POU2F1: variants seen among roughly 807,000 people sequenced by gnomAD.
The protein encoded by POU2F1 is POU class 2 homeobox 1, also known as POU domain, class 2, transcription factor 1.
Under a neutral mutation model 84.9 loss-of-function variants are expected in POU2F1, and 16 were observed. The observed-to-expected ratio is 0.19, with a 90% CI of 0.13 to 0.29. POU2F1 has a LOEUF of 0.29. POU2F1 is among the 10% of genes least tolerant of loss of function. The probability of loss-of-function intolerance (pLI) is 1.00; values close to 1 mark genes in which losing one functional copy is unlikely to be tolerated. For synonymous variants in POU2F1, 368 were observed against 368.3 expected (o/e 1.00, Z 0.01); for missense variants, 738 against 942.6 (o/e 0.78, Z 2.84).
At chr1:167,387,071 A>G (rs1648033543) in intron 8 of POU2F1, 1 of 413,638 alleles carries the variant, frequency 2.4e-6, no homozygotes, top group South Asian at 1.7e-5. Context: ...ATTTTGAAAA[A>G]AGCCTATACC....
At chr1:167,331,973 G>A (rs186262753) in intron 1 of POU2F1, among the ~76,000 whole-genome samples, 16 of 152,096 alleles carry the variant, frequency 1.1e-4, no homozygotes, top group Non-Finnish European at 1.9e-4. Flanking sequence ...TACCTTAGAC[G>A]TGTTTTCTTT....
chr1:167,240,917 C>T (rs1649852108), intron 1 of POU2F1, among the ~76,000 whole-genome samples: 2 of 151,986 alleles, frequency 1.3e-5, no homozygotes, highest in South Asian at 2.1e-4. Context: ...CCTAGGTGGG[C>T]GGATTACCTG....
intron 12 of POU2F1, among the ~76,000 whole-genome samples, chr1:167,400,351 A>G (rs1211519970): frequency 6.6e-6 from 1 of 152,004 alleles, no homozygotes; most frequent in African/African-American, 2.4e-5. Flanking sequence ...CATTTCCATC[A>G]TACTCTTCTC....
At chr1:167,367,202 CTTCT>C (rs929189363) in intron 3 of POU2F1, among the ~76,000 whole-genome samples, 12 of 152,306 alleles carry the variant, frequency 7.9e-5, no homozygotes, top group African/African-American at 2.6e-4. Flanking sequence ...TGACACTTGC[CTTCT>C]ATTTCCAAGC....
At chr1:167,276,762 T>A (rs1652754253) in intron 1 of POU2F1, among the ~76,000 whole-genome samples, 1 of 152,086 alleles carries the variant, frequency 6.6e-6, no homozygotes, top group African/African-American at 2.4e-5. Flanking sequence ...ATGAAGTATT[T>A]TCAGTTCCAT....
intron 2 of POU2F1, among the ~76,000 whole-genome samples, chr1:167,354,719 C>T (rs1254116451): frequency 6.6e-6 from 1 of 152,166 alleles, no homozygotes; most frequent in African/African-American, 2.4e-5. Context: ...CAATTTTAGC[C>T]AATTTATCAG....
chr1:167,278,640 G>T (rs1337306857), intron 1 of POU2F1, among the ~76,000 whole-genome samples: 1 of 152,124 alleles, frequency 6.6e-6, no homozygotes, highest in African/African-American at 2.4e-5. Flanking sequence ...CTGTGGAATT[G>T]AATCTGTTCA....
Position 167,267,937 on chromosome 1 carries a change from G to A in POU2F1, c.61+46979G>A, listed in dbSNP as rs191344904. On this transcript the variant is annotated intron_variant, in intron 1 of 15. Coordinates refer to ENST00000367866, the MANE Select transcript of POU2F1 (RefSeq NM_002697.4). ...ATTACAGGTGTGAGCCACCGTGCCC[G>A]GCCTACTGTGTCTTTTTTAAAATCT... 6.1e-4 allele frequency among the ~76,000 whole-genome samples: 93 copies of A among 152,086 alleles called. 1 individual carries two copies. The East Asian group carries it at 0.017, about 28-fold the overall frequency.
chr1:167,297,130 A>G (rs776190719), intron 1 of POU2F1, among the ~76,000 whole-genome samples: 1 of 152,372 alleles, frequency 6.6e-6, no homozygotes, highest in African/African-American at 2.4e-5. Context: ...ATGTGCATAT[A>G]CAACAGGAGT....
rs1328072974 is a variant in POU2F1, at chr1:167,423,273, G to A, written c.*7463G>A. On this transcript the variant is annotated 3_prime_UTR_variant, in exon 16 of 16. Coordinates refer to ENST00000367866, the MANE Select transcript of POU2F1 (RefSeq NM_002697.4). ...GAGTCAGGTAGTTCATTGTTTCGGT[G>A]TACTATTGATAGGACACAGAAAGGG... 1 of 152,158 alleles carries A rather than the reference G, an allele frequency of 6.6e-6. No individual in the cohort carries two copies. Among genetic ancestry groups the A allele is most frequent in the African/African-American group, 2.4e-5 (1 of 41,416 alleles). The allele number at this position is 152,158 out of a possible 1,614,324, so 9.4% of individuals were successfully genotyped here. A position where few individuals can be genotyped will look rare whatever the true frequency, so the allele number is the denominator to read the frequency against.
intron 15 of POU2F1, among the ~76,000 whole-genome samples, chr1:167,413,835 T>C (rs1336467239): frequency 1.3e-5 from 2 of 152,110 alleles, no homozygotes; most frequent in Non-Finnish European, 2.9e-5. Context: ...ACATCACTAA[T>C]TAATTAGAAT....
chr1:167,403,553 C>G (rs966561751), intron 13 of POU2F1, among the ~76,000 whole-genome samples: 1 of 152,132 alleles, frequency 6.6e-6, no homozygotes, highest in African/African-American at 2.4e-5. Context: ...CTTGTACAGC[C>G]TCTTTTCCTC....
Position 167,351,336 on chromosome 1 carries a change from C to A in POU2F1, c.128-14131C>A, listed in dbSNP as rs139433437. Among the ~76,000 whole-genome samples, 414 of 151,680 alleles carry A rather than the reference C, an allele frequency of 2.7e-3. 8 individuals carry two copies. Among genetic ancestry groups the A allele is most frequent in the East Asian group, 0.025 (126 of 5,134 alleles). ...GCCACTTGCATTCCAACTTGGGCAA[C>A]AAGAGCGAAACTCTGTCTCAAAACA... On this transcript the variant is annotated intron_variant, in intron 2 of 15. Coordinates refer to ENST00000367866, the MANE Select transcript of POU2F1 (RefSeq NM_002697.4).
At chr1:167,399,817 A>AC (rs1649066685) in intron 12 of POU2F1, among the ~76,000 whole-genome samples, 1 of 144,096 alleles carries the variant, frequency 6.9e-6, no homozygotes, top group Admixed American at 7.1e-5. Flanking sequence ...GGGATTATAG[A>AC]CGTGTACCAC....
At chr1:167,396,103 G>A (rs1472245340) in intron 9 of POU2F1, among the ~76,000 whole-genome samples, 183 bp from the exon 10 acceptor site, 1 of 152,142 alleles carries the variant, frequency 6.6e-6, no homozygotes, top group Non-Finnish European at 1.5e-5. Flanking sequence ...GCCTAAAAGA[G>A]TCCTCACAGT....
At chr1:167,378,034 G>A (rs565370186) in intron 7 of POU2F1, among the ~76,000 whole-genome samples, 164 of 152,188 alleles carry the variant, frequency 1.1e-3, no homozygotes, top group African/African-American at 3.4e-3. Flanking sequence ...TGTCTTTATG[G>A]CAGAAAAATT....
At chr1:167,393,714 C>G (rs1384728633) in intron 9 of POU2F1, among the ~76,000 whole-genome samples, 2 of 152,058 alleles carry the variant, frequency 1.3e-5, no homozygotes, top group Admixed American at 1.3e-4. Context: ...AGGCTGTTGA[C>G]TTATTTTTTG....
At chr1:167,235,713 T>G (rs534141089) in intron 1 of POU2F1, among the ~76,000 whole-genome samples, 1 of 152,192 alleles carries the variant, frequency 6.6e-6, no homozygotes, top group Non-Finnish European at 1.5e-5. Flanking sequence ...CCCCCATTGC[T>G]CTCTATTCTT....
rs192188883 is a variant in POU2F1, at chr1:167,295,629, C to T, written c.62-36841C>T. On this transcript the variant is annotated intron_variant, in intron 1 of 15. Transcript: ENST00000367866. ...AGAATTCACCACTATATAATCCATC[C>T]ATGTAACCAAAGCTATTGAAATTTT... Among the ~76,000 whole-genome samples the T allele has an allele frequency of 1.9e-4, 29 of 152,302 alleles. No homozygotes were observed. The East Asian group carries it at 5.6e-3, about 29-fold the overall frequency.
Sources: gnomAD v4.1 joint callset for allele counts (sites outside exome capture counted in the v4.1 genomes callset) on GRCh38, gnomAD v4.1.1 for gene constraint, MANE v1.5 for transcripts, NCBI Gene and HGNC (gene_info 2026-07-23, HGNC 2026-07-21) for gene names.